Variants in PDE10A observed in about 807,000 individuals in gnomAD.
PDE10A encodes the protein phosphodiesterase 10A.
Under a neutral mutation model 97.7 loss-of-function variants are expected in PDE10A, and 39 were observed. The observed-to-expected ratio is 0.40, with a 90% CI of 0.31 to 0.52. The LOEUF (loss-of-function observed/expected upper bound fraction) is 0.52, where lower values mean the gene tolerates loss of function less well. Among genes scored for constraint, PDE10A ranks in the 20% least tolerant of loss-of-function variants. The probability of loss-of-function intolerance (pLI) is 0.56; values close to 1 mark genes in which losing one functional copy is unlikely to be tolerated. For synonymous variants in PDE10A, 371 were observed against 376.8 expected (o/e 0.98, Z 0.18); for missense variants, 731 against 1,047.8 (o/e 0.70, Z 4.17).
chr6:165,566,870 C>G (rs1372442019), intron 1 of PDE10A, among the ~76,000 whole-genome samples: 1 of 152,174 alleles, frequency 6.6e-6, no homozygotes, highest in African/African-American at 2.4e-5. Context: ...TATATCGATA[C>G]AATCACATTG....
intron 1 of PDE10A, among the ~76,000 whole-genome samples, chr6:165,690,867 A>C (rs1343919501): frequency 6.6e-6 from 1 of 152,020 alleles, no homozygotes; most frequent in African/African-American, 2.4e-5. Context: ...GCTTCTGGAG[A>C]GACTAATATT....
At chr6:165,425,137 T>C (rs1583259435) in intron 10 of PDE10A, among the ~76,000 whole-genome samples, 1 of 152,270 alleles carries the variant, frequency 6.6e-6, no homozygotes, top group East Asian at 1.9e-4. Flanking sequence ...TATTGTGCAT[T>C]ATAAATCACT....
At chr6:165,540,988 G>A (rs146868759) in intron 2 of PDE10A, among the ~76,000 whole-genome samples, 11 of 152,282 alleles carry the variant, frequency 7.2e-5, no homozygotes, top group African/African-American at 2.6e-4. Context: ...AGAATGAAGG[G>A]AGGAAGCCTG....
intron 2 of PDE10A, among the ~76,000 whole-genome samples, chr6:165,495,308 G>C (rs1321118465): frequency 1.3e-5 from 2 of 151,860 alleles, no homozygotes; most frequent in Admixed American, 6.6e-5. Flanking sequence ...AAGACAGAGG[G>C]GAGACAGGAG....
intron 1 of PDE10A, among the ~76,000 whole-genome samples, chr6:165,834,489 C>T (rs1220392420): frequency 1.3e-5 from 2 of 152,128 alleles, no homozygotes; most frequent in African/African-American, 4.8e-5. Context: ...ACGATCAGAG[C>T]CCAGGTGTGT....
intron 1 of PDE10A, among the ~76,000 whole-genome samples, chr6:165,809,367 C>T (rs1050475867): frequency 4.6e-5 from 7 of 152,196 alleles, no homozygotes; most frequent in Admixed American, 4.6e-4. Context: ...AAGTTCAAAT[C>T]CCCAAGATTT....
intron 5 of PDE10A, among the ~76,000 whole-genome samples, chr6:165,436,261 G>T (rs749663214): frequency 6.6e-6 from 1 of 152,104 alleles, no homozygotes; most frequent in Non-Finnish European, 1.5e-5. Flanking sequence ...GTATTAGACA[G>T]CCCTCTTAAC....
At chr6:165,431,933 A>T (rs893175548) in intron 7 of PDE10A, among the ~76,000 whole-genome samples, 3 of 152,134 alleles carry the variant, frequency 2.0e-5, no homozygotes, top group Non-Finnish European at 4.4e-5. Flanking sequence ...CAATCTAATG[A>T]CCACTTTAAA....
intron 18 of PDE10A, among the ~76,000 whole-genome samples, chr6:165,355,583 G>A (rs1401670176): frequency 6.6e-6 from 1 of 152,126 alleles, no homozygotes; most frequent in Non-Finnish European, 1.5e-5. Flanking sequence ...AATGTCCAAA[G>A]TTGTGTATCT....
At chr6:165,869,735 G>A (rs186584649) in intron 1 of PDE10A, among the ~76,000 whole-genome samples, 18 of 152,116 alleles carry the variant, frequency 1.2e-4, no homozygotes, top group African/African-American at 3.4e-4. Context: ...CATGGTATTC[G>A]TATAAACACA....
chr6:165,674,499 C>T (rs527454180), intron 1 of PDE10A, among the ~76,000 whole-genome samples: 2 of 152,230 alleles, frequency 1.3e-5, no homozygotes, highest in East Asian at 1.9e-4. Flanking sequence ...GACGTGCGTG[C>T]GTGGGAACCG....
intron 1 of PDE10A, among the ~76,000 whole-genome samples, chr6:165,870,303 T>C (rs2948551): frequency 0.72 from 110,249 of 152,108 alleles, 40,401 homozygotes; most frequent in East Asian, 0.96. Flanking sequence ...CCTGAATAAA[T>C]ATTTCTCAAA....
rs199650672 is a variant in PDE10A, at chr6:165,757,887, A to AC, written c.-614-214320_-614-214319insG. ...GAGAATTGACAACTTTACAAAGTTG[A>AC]TTTTTTTCTGAAAATATGATATTGT... On this transcript the variant is annotated intron_variant, in intron 1 of 19. Transcript: ENST00000366882. Among the ~76,000 whole-genome samples the AC allele has an allele frequency of 1.9e-3, 291 of 152,226 alleles. 3 individuals are homozygous for AC. The highest frequency in any genetic ancestry group is 6.8e-3 in the African/African-American group (284 of 41,552).
At chr6:165,714,365 C>A (rs1238291613) in intron 1 of PDE10A, among the ~76,000 whole-genome samples, 1 of 152,206 alleles carries the variant, frequency 6.6e-6, no homozygotes, top group South Asian at 2.1e-4. Context: ...ACCTCCAGGC[C>A]GCCAGTCCTG....
intron 1 of PDE10A, among the ~76,000 whole-genome samples, chr6:165,875,120 G>A (rs1415083854): frequency 6.6e-6 from 1 of 152,158 alleles, no homozygotes; most frequent in Non-Finnish European, 1.5e-5. Flanking sequence ...CTGGGGACAG[G>A]TGCCTTGGGT....
intron 5 of PDE10A, among the ~76,000 whole-genome samples, chr6:165,447,472 T>TG (rs1790943528): frequency 6.6e-6 from 1 of 152,158 alleles, no homozygotes; most frequent in African/African-American, 2.4e-5. Flanking sequence ...CGTGGCCAAC[T>TG]GGGGGGCTGC....
chr6:165,480,504 T>C (rs902723137), intron 3 of PDE10A, among the ~76,000 whole-genome samples: 2 of 151,810 alleles, frequency 1.3e-5, no homozygotes, highest in African/African-American at 4.9e-5. Flanking sequence ...GAGGATCATC[T>C]GAACTCGGGC....
chr6:165,369,835 C>T (rs1338355147), intron 18 of PDE10A, among the ~76,000 whole-genome samples: 4 of 151,018 alleles, frequency 2.6e-5, no homozygotes, highest in Admixed American at 2.0e-4. Flanking sequence ...AGAGAAAGGT[C>T]GGGTTACCCA....
chr6:165,514,856 T>G (rs1467700346), intron 2 of PDE10A, among the ~76,000 whole-genome samples: 3 of 152,208 alleles, frequency 2.0e-5, no homozygotes, highest in Non-Finnish European at 4.4e-5. Flanking sequence ...ATTCTTGGAT[T>G]GTGTATTGCC....
Sources: allele counts gnomAD v4.1 joint callset (sites outside exome capture counted in the v4.1 genomes callset), GRCh38; gene constraint gnomAD v4.1.1; transcripts MANE v1.5; gene names NCBI Gene and HGNC (gene_info 2026-07-23, HGNC 2026-07-21).